DTNA: variants seen among roughly 807,000 people sequenced by gnomAD.
DTNA encodes the protein dystrobrevin alpha.
Under a neutral mutation model 100.7 loss-of-function variants are expected in DTNA, and 43 were observed. The ratio of observed to expected loss-of-function variants is 0.43; its 90% CI spans 0.33 to 0.55. The LOEUF (loss-of-function observed/expected upper bound fraction) is 0.55. Ranked by LOEUF, DTNA falls within the 20% of genes least tolerant of loss-of-function variation. The pLI is 0.04. For synonymous variants in DTNA, 349 were observed against 347.9 expected, an observed-to-expected ratio of 1.00 and a Z score of -0.04; for missense variants, 798 against 953.9, an observed-to-expected ratio of 0.84 and a Z score of 2.15.
chr18:34,524,183 G>A (rs562968788), intron 1 of DTNA, among the ~76,000 whole-genome samples: 23 of 152,260 alleles, frequency 1.5e-4, no homozygotes, highest in African/African-American at 5.5e-4. Flanking sequence ...CACAAATAGT[G>A]ACTTTTGTGT....
chr18:34,821,897 C>A (rs1053331295), intron 9 of DTNA, among the ~76,000 whole-genome samples: 3 of 152,180 alleles, frequency 2.0e-5, no homozygotes, highest in African/African-American at 7.2e-5. Flanking sequence ...GGTATGAGAC[C>A]TTCGTGGAAG....
chr18:34,684,533 T>G (rs902494419), intron 1 of DTNA, among the ~76,000 whole-genome samples: 10 of 152,180 alleles, frequency 6.6e-5, no homozygotes, highest in Non-Finnish European at 8.8e-5. Flanking sequence ...ACATTTTCTT[T>G]ATCCAGTCTA....
At chr18:34,520,711 C>T (rs548315273) in intron 1 of DTNA, among the ~76,000 whole-genome samples, 1 of 152,078 alleles carries the variant, frequency 6.6e-6, no homozygotes, top group Non-Finnish European at 1.5e-5. Context: ...GCTGAAACAT[C>T]TGAGAACCCT....
rs752985956 is a variant in DTNA at position 34,765,950 on chromosome 18, C to G, written c.68-11C>G. The G allele has an allele frequency of 6.2e-7, 1 of 1,613,426 alleles. No individual in the cohort carries two copies. The highest frequency in any genetic ancestry group is 2.2e-5 in the East Asian group (1 of 44,866). ...ATGGCATACCTTATGTGTCCTTTTT[C>G]CCCGCACTAGGGGCTCAAGATCTGG... On this transcript the variant is annotated splice_polypyrimidine_tract_variant and intron_variant, in intron 2 of 22. Transcript: ENST00000444659.
intron 17 of DTNA, among the ~76,000 whole-genome samples, chr18:34,869,222 G>A (rs200083759): frequency 6.6e-6 from 1 of 152,076 alleles, no homozygotes; most frequent in Non-Finnish European, 1.5e-5. Flanking sequence ...TTATACGTCA[G>A]CTATAAGTAT....
chr18:34,626,226 C>T (rs887443619), intron 1 of DTNA, among the ~76,000 whole-genome samples: 10 of 152,116 alleles, frequency 6.6e-5, no homozygotes, highest in African/African-American at 2.4e-4. Context: ...CCCTAACACT[C>T]GTGAAAGTGT....
At chr18:34,868,334 T>G in intron 17 of DTNA, 2 of 390,606 alleles carry the variant, frequency 5.1e-6, no homozygotes, top group Non-Finnish European at 7.0e-6. Flanking sequence ...TGGCTGTTTC[T>G]TATACTGACC....
chr18:34,683,085 T>C lies in DTNA; in HGVS notation c.-1-72891T>C, dbSNP rs372445406. Among the ~76,000 whole-genome samples the C allele has an allele frequency of 1.1e-3, 166 of 152,322 alleles. 5 individuals are homozygous for C. In the South Asian group the frequency reaches 0.033, roughly 30 times the overall value. ...AGTCTCATTCCAATTTAAATCAGTC[T>C]CATTCCAACATTCACATTTAAATCT... On this transcript the variant is annotated intron_variant, in intron 1 of 19. Coordinates refer to the DTNA transcript ENST00000283365.
At position 34,785,351 on chromosome 18, in the gene DTNA, A is replaced by G. The variant is rs566737730; in HGVS notation, c.149-8686A>G. Among the ~76,000 whole-genome samples the G allele has an allele frequency of 5.2e-4, 79 of 152,356 alleles. No individual in the cohort carries two copies. In the South Asian group the frequency reaches 9.5e-3, roughly 18 times the overall value. On this transcript the variant is annotated intron_variant, in intron 3 of 22. Coordinates refer to ENST00000444659, the MANE Select transcript of DTNA (RefSeq NM_001386795.1). ...AGAAAGCTCATATTAAGGGACAAATATATTTATACCAGACAGAGTGAGGCA... is the reference window on the plus strand; with the variant it reads ...AGAAAGCTCATATTAAGGGACAAATGTATTTATACCAGACAGAGTGAGGCA...
chr18:34,891,192 T>C lies in DTNA; in HGVS notation c.*3458T>C, dbSNP rs2096962919. On this transcript the variant is annotated 3_prime_UTR_variant, in exon 23 of 23. Transcript: ENST00000444659. Reference sequence around the variant, plus strand: ...ATAATCAATTCAGAGACACTAAAGATTTCACAATATTCATTGGTATTGTAA... The same window carrying C: ...ATAATCAATTCAGAGACACTAAAGACTTCACAATATTCATTGGTATTGTAA... 6.6e-6 allele frequency: 1 copy of C among 152,562 alleles called. No homozygotes were observed. The highest frequency in any genetic ancestry group is 6.5e-5 in the Admixed American group (1 of 15,272). 9.5% of individuals were successfully genotyped at this position (152,562 alleles called of 1,614,324 possible). A position where few individuals can be genotyped will look rare whatever the true frequency, so the allele number is the denominator to read the frequency against.
chr18:34,667,916 G>A (rs1220178607), intron 1 of DTNA, among the ~76,000 whole-genome samples: 1 of 152,152 alleles, frequency 6.6e-6, no homozygotes, highest in Non-Finnish European at 1.5e-5. Flanking sequence ...CCAGGCTTTG[G>A]CATCAGGATG....
chr18:34,630,784 AT>A (rs1426881930), intron 1 of DTNA, among the ~76,000 whole-genome samples: 2 of 152,066 alleles, frequency 1.3e-5, no homozygotes, highest in African/African-American at 4.8e-5. Context: ...TAAATGATAA[AT>A]TTCAGGTATT....
At position 34,887,950 on chromosome 18, in the gene DTNA, GCTAA is replaced by G; in HGVS notation, c.*219_*222del. The stretch of plus-strand genomic sequence containing the variant: ...GATGTGTCCTGATGACTATAGTGCA[GCTAA>G]CTTTTTGTTCTCAGATTTGTAGTGC... On this transcript the variant is annotated 3_prime_UTR_variant, in exon 23 of 23. Transcript: ENST00000444659. The G allele has an allele frequency of 1.0e-6, 1 of 986,068 alleles. No individual in the cohort carries two copies. Among genetic ancestry groups the G allele is most frequent in the Non-Finnish European group, 1.2e-6 (1 of 829,954 alleles). The allele number at this position is 986,068 out of a possible 1,614,324, so 61.1% of individuals were successfully genotyped here. A position where few individuals can be genotyped will look rare whatever the true frequency, so the allele number is the denominator to read the frequency against.
chr18:34,731,634 CTTT>C (rs1211601853), intron 1 of DTNA, among the ~76,000 whole-genome samples: 2 of 152,206 alleles, frequency 1.3e-5, no homozygotes, highest in Non-Finnish European at 1.5e-5. Context: ...AACTGTACTT[CTTT>C]GAGTATCACT....
chr18:34,662,458 C>G (rs1347562209), intron 1 of DTNA, among the ~76,000 whole-genome samples: 1 of 152,074 alleles, frequency 6.6e-6, no homozygotes, highest in Non-Finnish European at 1.5e-5. Context: ...TCAGTTGTCC[C>G]CACTAACTAA....
intron 1 of DTNA, among the ~76,000 whole-genome samples, chr18:34,701,634 T>C (rs1020364856): frequency 1.3e-5 from 2 of 152,186 alleles, no homozygotes; most frequent in Non-Finnish European, 2.9e-5. Flanking sequence ...AATTCAAAAC[T>C]GTTCCTGGCA....
chr18:34,710,475 A>G (rs1381066243), intron 1 of DTNA, 30 bp downstream of exon 1: 1 of 152,110 alleles, frequency 6.6e-6, no homozygotes, highest in Non-Finnish European at 1.5e-5. Flanking sequence ...ATGAAACTGA[A>G]CTCTCTGACT....
intron 1 of DTNA, among the ~76,000 whole-genome samples, chr18:34,606,100 A>T (rs1356317378): frequency 6.6e-6 from 1 of 152,190 alleles, no homozygotes; most frequent in East Asian, 1.9e-4. Context: ...GATGTTTTAT[A>T]AAAGGAAGAC....
chr18:34,700,065 CA>C, intron 1 of DTNA, among the ~76,000 whole-genome samples: 1 of 152,290 alleles, frequency 6.6e-6, no homozygotes, highest in African/African-American at 2.4e-5. Flanking sequence ...CAAGCATAAA[CA>C]ATCTACCCAA....
Sources: gnomAD v4.1 joint callset for allele counts (sites outside exome capture counted in the v4.1 genomes callset) on GRCh38, gnomAD v4.1.1 for gene constraint, MANE v1.5 for transcripts, NCBI Gene and HGNC (gene_info 2026-07-23, HGNC 2026-07-21) for gene names.